ALCAM: variants seen among roughly 807,000 people sequenced by gnomAD.
ALCAM encodes activated leukocyte cell adhesion molecule, also known as CD166 antigen.
Under a neutral mutation model 70.9 loss-of-function variants are expected in ALCAM, and 30 were observed. The ratio of observed to expected loss-of-function variants is 0.42; its 90% confidence interval spans 0.32 to 0.57. The LOEUF (loss-of-function observed/expected upper bound fraction) is 0.57. Ranked by LOEUF, ALCAM falls within the 20% of genes least tolerant of loss-of-function variation. The pLI, the probability that ALCAM is intolerant of heterozygous loss-of-function variation, is 0.11. For missense variants in ALCAM, 591 were observed against 695.1 expected, an observed-to-expected ratio of 0.85 and a Z score of 1.68; for synonymous variants, 249 against 242.5, an observed-to-expected ratio of 1.03 and a Z score of -0.25.
chr3:105,540,182 GA>G (rs373519238), intron 7 of ALCAM, 80 bp downstream of exon 7: 2 of 1,379,744 alleles, frequency 1.4e-6, no homozygotes, highest in African/African-American at 1.5e-5. Context: ...GATTAAGTGA[GA>G]AAAAATGTTA....
At chr3:105,450,793 G>A (rs1215636812) in intron 1 of ALCAM, among the ~76,000 whole-genome samples, 1 of 152,052 alleles carries the variant, frequency 6.6e-6, no homozygotes, top group Non-Finnish European at 1.5e-5. Context: ...ATGTCTGTTG[G>A]GGGCAAAGAG....
intron 1 of ALCAM, among the ~76,000 whole-genome samples, chr3:105,500,259 T>G (rs576053996): frequency 1.3e-5 from 2 of 152,284 alleles, no homozygotes; most frequent in South Asian, 4.1e-4. Flanking sequence ...CCTGTAAGCC[T>G]GCCTGCCTTC....
chr3:105,416,656 A>G (rs943195382), intron 1 of ALCAM, among the ~76,000 whole-genome samples: 1 of 151,874 alleles, frequency 6.6e-6, no homozygotes, highest in African/African-American at 2.4e-5. Context: ...TTTTAGACCA[A>G]TGTCCTGAAT....
At chr3:105,482,131 T>C (rs1330552668) in intron 1 of ALCAM, among the ~76,000 whole-genome samples, 1 of 152,172 alleles carries the variant, frequency 6.6e-6, no homozygotes, top group East Asian at 1.9e-4. Flanking sequence ...TTTATGTTTT[T>C]TGAGACAGTC....
At chr3:105,542,333 G>C (rs546435783) in intron 8 of ALCAM, among the ~76,000 whole-genome samples, 9 of 151,844 alleles carry the variant, frequency 5.9e-5, no homozygotes, top group South Asian at 4.1e-4. Flanking sequence ...CTTTTAATTT[G>C]CTTTTGATCT....
chr3:105,367,462 C>T lies in ALCAM; in HGVS notation c.54C>T (p.Ser18=), dbSNP rs752780487. ...GTCTGCTCTTCTGCCTCTTGATCTC[C>T]GCCACCGTCTTCAGGCCAGGTGAGC... ...SCRLLFCLLI[S]ATVFRPGLGW... is the part of the protein sequence containing the mutation. The change falls in exon 1 of 16, where the codon TCC becomes TCT. Residue 18 remains serine (S), a synonymous_variant. Transcript: ENST00000306107. 3.7e-6 allele frequency: 6 copies of T among 1,614,040 alleles called. No individual in the cohort carries two copies. Among genetic ancestry groups the T allele is most frequent in the Non-Finnish European group, 5.1e-6 (6 of 1,179,926 alleles).
intron 1 of ALCAM, among the ~76,000 whole-genome samples, chr3:105,516,567 A>G (rs1036740925): frequency 6.6e-6 from 1 of 152,046 alleles, no homozygotes; most frequent in Non-Finnish European, 1.5e-5. Flanking sequence ...CCTTTGGTTA[A>G]TAACCTTTTA....
intron 4 of ALCAM, among the ~76,000 whole-genome samples, chr3:105,533,366 C>A (rs1414782725): frequency 2.0e-5 from 3 of 152,066 alleles, no homozygotes; most frequent in African/African-American, 7.2e-5. Context: ...AATAGTGACA[C>A]CATCTATTGC....
intron 1 of ALCAM, among the ~76,000 whole-genome samples, chr3:105,493,934 A>G (rs1462141139): frequency 6.6e-6 from 1 of 152,128 alleles, no homozygotes; most frequent in African/African-American, 2.4e-5. Context: ...ATTAAGGTTT[A>G]GGATATTTTA....
chr3:105,436,328 A>G (rs773722453), intron 1 of ALCAM, among the ~76,000 whole-genome samples: 11 of 152,018 alleles, frequency 7.2e-5, no homozygotes, highest in Non-Finnish European at 1.2e-4. Flanking sequence ...CAGTGTAAAC[A>G]GTTTATTTTA....
At chr3:105,468,756 T>C (rs553829663) in intron 1 of ALCAM, among the ~76,000 whole-genome samples, 1 of 151,450 alleles carries the variant, frequency 6.6e-6, no homozygotes, top group African/African-American at 2.4e-5. Context: ...GTATTTAAAA[T>C]GTGAAGTAGC....
chr3:105,463,573 G>A (rs1214714138), intron 1 of ALCAM, among the ~76,000 whole-genome samples: 2 of 151,314 alleles, frequency 1.3e-5, no homozygotes, highest in African/African-American at 4.8e-5. Flanking sequence ...TGGGAATTTG[G>A]GGTGATTTGA....
chr3:105,377,987 G>T (rs933183006), intron 1 of ALCAM, among the ~76,000 whole-genome samples: 2 of 151,908 alleles, frequency 1.3e-5, no homozygotes, highest in African/African-American at 2.4e-5. Flanking sequence ...TTATTTTTAA[G>T]TAAATCATAT....
intron 1 of ALCAM, among the ~76,000 whole-genome samples, chr3:105,388,598 TA>T (rs1935718120): frequency 6.6e-6 from 1 of 151,758 alleles, no homozygotes; most frequent in African/African-American, 2.4e-5. Context: ...TTAATAGGAA[TA>T]AACTAATTTA....
chr3:105,485,682 G>A (rs950019904), intron 1 of ALCAM, among the ~76,000 whole-genome samples: 47 of 151,604 alleles, frequency 3.1e-4, no homozygotes, highest in African/African-American at 1.1e-3. Flanking sequence ...TACATACTTC[G>A]GTTTTAGATT....
chr3:105,441,735 G>A (rs1362829997), intron 1 of ALCAM, among the ~76,000 whole-genome samples: 1 of 152,048 alleles, frequency 6.6e-6, no homozygotes, highest in East Asian at 1.9e-4. Flanking sequence ...CCTCTGTAAT[G>A]GACTCCAATC....
rs186548587 is a variant in ALCAM at position 105,401,335 on chromosome 3, A to C, written c.73+33854A>C. Among the ~76,000 whole-genome samples the C allele has an allele frequency of 3.9e-5, 6 of 152,358 alleles. No homozygotes were observed. The East Asian group carries it at 1.2e-3, about 29-fold the overall frequency. ...AATCTTACGAATTTTGCTGACTCCT[A>C]TACACAACTACTTGGGAAGTTTCCT... On this transcript the variant is annotated intron_variant, in intron 1 of 15. Coordinates refer to ENST00000306107, the MANE Select transcript of ALCAM (RefSeq NM_001627.4).
intron 1 of ALCAM, among the ~76,000 whole-genome samples, chr3:105,474,603 A>G (rs902919929): frequency 4.0e-5 from 6 of 150,742 alleles, no homozygotes; most frequent in Admixed American, 2.7e-4. Flanking sequence ...GCGAAAAAAA[A>G]AGAGAGAGAG....
At chr3:105,487,603 A>G (rs1938468154) in intron 1 of ALCAM, among the ~76,000 whole-genome samples, 1 of 152,228 alleles carries the variant, frequency 6.6e-6, no homozygotes, top group African/African-American at 2.4e-5. Context: ...TAGAAACAGA[A>G]GAGTTATCAA....
Sources: gnomAD v4.1 joint callset for allele counts (sites outside exome capture counted in the v4.1 genomes callset) on GRCh38, gnomAD v4.1.1 for gene constraint, MANE v1.5 for transcripts, NCBI Gene and HGNC (gene_info 2026-07-23, HGNC 2026-07-21) for gene names.